Variants in DYNC2H1 observed in about 807,000 individuals in gnomAD.
DYNC2H1 encodes cytoplasmic dynein 2 heavy chain 1.
DYNC2H1 carries 410 observed loss-of-function variants against 570.0 expected under a neutral mutation model. That is an observed-to-expected ratio of 0.72 (90% CI 0.66 to 0.78). DYNC2H1 has a LOEUF of 0.78. DYNC2H1 is among the 30% of genes least tolerant of loss of function. The probability of loss-of-function intolerance (pLI) is 0.00; values close to 1 mark genes in which losing one functional copy is unlikely to be tolerated. For synonymous variants in DYNC2H1, 1,688 were observed against 1,677.6 expected (o/e 1.01, Z -0.15); for missense variants, 4,865 against 5,046.4 (o/e 0.96, Z 1.09).
intron 80 of DYNC2H1, among the ~76,000 whole-genome samples, chr11:103,320,231 C>T (rs945570583): frequency 6.6e-6 from 1 of 151,958 alleles, no homozygotes; most frequent in African/African-American, 2.4e-5. Context: ...TGGTGAAATC[C>T]CGTCTCTACT....
intron 70 of DYNC2H1, among the ~76,000 whole-genome samples, chr11:103,260,561 G>A (rs953378016): frequency 5.3e-5 from 8 of 151,974 alleles, no homozygotes; most frequent in South Asian, 2.1e-4. Flanking sequence ...AACACACATC[G>A]GACAATATTT....
chr11:103,184,430 T>C (rs1012069214), intron 40 of DYNC2H1, among the ~76,000 whole-genome samples: 1 of 151,956 alleles, frequency 6.6e-6, no homozygotes, highest in Non-Finnish European at 1.5e-5. Context: ...TACACAGCAC[T>C]GAAGTCCAGA....
chr11:103,184,634 G>A (rs1314827737), intron 40 of DYNC2H1, among the ~76,000 whole-genome samples: 1 of 151,742 alleles, frequency 6.6e-6, no homozygotes, highest in Non-Finnish European at 1.5e-5. Flanking sequence ...ATATTCTTCA[G>A]GTTTAGGAAG....
chr11:103,177,616 G>C lies in DYNC2H1; in HGVS notation c.5935G>C (p.Gly1979Arg). ...LCQRMGVVIV[G>R]PSGAGKSTLW... The stretch of plus-strand genomic sequence containing the variant: ...CCAGAGGATGGGAGTTGTTATTGTT[G>C]GTCCAAGTGGTGCTGGAAAATCAAC... Residue 1979 changes from glycine to arginine, a missense_variant, in exon 38 of 89, where the codon GGT becomes CGT. By Grantham distance (125) the Gly-to-Arg change is moderately radical. Around this residue, in one of 5 missense-constraint regions of DYNC2H1, gnomAD observed 231 missense variants for 310.3 expected, o/e 0.74. Coordinates refer to ENST00000375735, the MANE Select transcript of DYNC2H1 (RefSeq NM_001377.3). This position sits in a 1 kb window ranked among gnomAD's most constrained non-coding sequence, Gnocchi z 4.4. The C allele has an allele frequency of 6.2e-7, 1 of 1,613,118 alleles. No individual in the cohort carries two copies. Among genetic ancestry groups the C allele is most frequent in the Non-Finnish European group, 8.5e-7 (1 of 1,179,566 alleles).
In DYNC2H1 at chr11:103,152,363, A is replaced by G. The variant is rs189537726; in HGVS notation, c.3096+78A>G. ...TTTCTTGCTTATCTTTTATTCCTTT[A>G]TAGCCCAGGTTTATAATAATTTAAT... is the stretch of plus-strand genomic sequence containing the variant. On this transcript the variant is annotated intron_variant, in intron 21 of 88. Transcript: ENST00000375735. 9.7e-6 allele frequency: 13 copies of G among 1,346,328 alleles called. No individual in the cohort carries two copies. The East Asian group carries it at 1.2e-4, about 13-fold the overall frequency. The allele number at this position is 1,346,328 out of a possible 1,614,324, so 83.4% of individuals were successfully genotyped here. A position where few individuals can be genotyped will look rare whatever the true frequency, so the allele number is the denominator to read the frequency against.
At chr11:103,298,658 G>T (rs1175304435) in intron 75 of DYNC2H1, among the ~76,000 whole-genome samples, 1 of 152,038 alleles carries the variant, frequency 6.6e-6, no homozygotes, top group Non-Finnish European at 1.5e-5. Flanking sequence ...TGTAAAATTG[G>T]AGTTTTTATT....
chr11:103,414,152 A>G (rs1943193607), intron 84 of DYNC2H1, among the ~76,000 whole-genome samples: 1 of 152,216 alleles, frequency 6.6e-6, no homozygotes, highest in South Asian at 2.1e-4. Flanking sequence ...ACCTTTATCA[A>G]TTAATACAAA....
At position 103,187,504 on chromosome 11, in the gene DYNC2H1, G is replaced by A; in HGVS notation, c.7058G>A (p.Arg2353Lys). The change falls in exon 43 of 89, where the codon AGA becomes AAA. Residue 2353 changes from arginine (R) to lysine (K), a missense_variant. Coordinates refer to ENST00000375735, the MANE Select transcript of DYNC2H1 (RefSeq NM_001377.3). Reference sequence around the variant, plus strand: ...GTATACAGACCAAAAGACTGTGAAAGACTTGTTCTGTACTTAAAAGATATC... The same window carrying A: ...GTATACAGACCAAAAGACTGTGAAAAACTTGTTCTGTACTTAAAAGATATC... ...GRVYRPKDCE[R>K]LVLYLKDINL... 2 of 1,613,240 alleles carry A rather than the reference G, an allele frequency of 1.2e-6. No homozygotes were observed. Among genetic ancestry groups the A allele is most frequent in the East Asian group, 4.5e-5 (2 of 44,854 alleles).
intron 83 of DYNC2H1, among the ~76,000 whole-genome samples, chr11:103,376,472 T>C (rs142061050): frequency 6.6e-6 from 1 of 152,214 alleles, no homozygotes; most frequent in Non-Finnish European, 1.5e-5. Flanking sequence ...TGTGTATTTG[T>C]TGTAATTTCT....
At chr11:103,431,271 A>G (rs1027260296) in intron 84 of DYNC2H1, among the ~76,000 whole-genome samples, 1 of 151,760 alleles carries the variant, frequency 6.6e-6, no homozygotes, top group Non-Finnish European at 1.5e-5. Context: ...GTAAGCCTTA[A>G]TGTCTCCATG....
chr11:103,421,845 A>C (rs894456816), intron 84 of DYNC2H1, among the ~76,000 whole-genome samples: 3 of 152,130 alleles, frequency 2.0e-5, no homozygotes, highest in African/African-American at 7.2e-5. Flanking sequence ...GAAGACAAGA[A>C]ATTACCGAGA....
chr11:103,223,522 G>T (rs1439293358), intron 59 of DYNC2H1, among the ~76,000 whole-genome samples: 1 of 151,870 alleles, frequency 6.6e-6, no homozygotes, highest in African/African-American at 2.4e-5. Context: ...CGAGTAGCTG[G>T]GATTACAGGC....
intron 47 of DYNC2H1, 93 bp from the exon 48 acceptor site, chr11:103,197,840 T>C: frequency 2.2e-6 from 3 of 1,358,440 alleles, no homozygotes; most frequent in South Asian, 1.4e-5. Context: ...TTATTTGGAT[T>C]ATTAACTTAA....
intron 84 of DYNC2H1, among the ~76,000 whole-genome samples, chr11:103,428,395 A>G (rs566581261): frequency 6.6e-6 from 1 of 152,270 alleles, no homozygotes; most frequent in African/African-American, 2.4e-5. Context: ...AACAAAAACT[A>G]TCTAACATAC....
In DYNC2H1 at chr11:103,113,637, C is replaced by T. The variant is rs1384989430; in HGVS notation, c.296C>T (p.Ser99Phe). 1.3e-6 allele frequency: 2 copies of T among 1,576,440 alleles called. No individual in the cohort carries two copies. Among genetic ancestry groups the T allele is most frequent in the Non-Finnish European group, 1.7e-6 (2 of 1,166,460 alleles). Reference protein sequence around the residue: ...ENLHDNILVSSMLESPISSLY... With the variant: ...ENLHDNILVSFMLESPISSLY... The stretch of plus-strand genomic sequence containing the variant: ...CTACATGATAACATTCTTGTTTCAT[C>T]TATGTTAGAGTCACCTATTAGTTCT... The change falls in exon 2 of 89, where the codon TCT becomes TTT. Residue 99 changes from serine to phenylalanine, a missense_variant. Coordinates refer to ENST00000375735, the MANE Select transcript of DYNC2H1 (RefSeq NM_001377.3).
At chr11:103,215,081 T>G (rs1863327958) in intron 54 of DYNC2H1, among the ~76,000 whole-genome samples, 1 of 152,148 alleles carries the variant, frequency 6.6e-6, no homozygotes, top group African/African-American at 2.4e-5. Context: ...AGATATAAAA[T>G]CATGCCCAGC....
At chr11:103,421,631 T>G in intron 84 of DYNC2H1, among the ~76,000 whole-genome samples, 1 of 151,948 alleles carries the variant, frequency 6.6e-6, no homozygotes, top group Middle Eastern at 3.4e-3. Flanking sequence ...GAAATTAAGG[T>G]GGAAATCAAG....
In DYNC2H1 at chr11:103,125,242, C is replaced by A. The variant is rs1291966441; in HGVS notation, c.1804C>A (p.Gln602Lys). The change falls in exon 12 of 89, where the codon CAA becomes AAA. Residue 602 changes from glutamine (Q) to lysine (K), a missense_variant. Physicochemically the swap from Gln to Lys is moderately conservative, Grantham distance 53 (BLOSUM62 1). Transcript: ENST00000375735. ...CTTTGTTATTCCTGCCAAAATACAG[C>A]AAGTTGCAAACATTGCACAGAAATT... is the stretch of plus-strand genomic sequence containing the variant. ...LGFVIPAKIQQVANIAQKFCK... is the reference protein window; with the variant it reads ...LGFVIPAKIQKVANIAQKFCK... The A allele has an allele frequency of 3.1e-6, 5 of 1,612,368 alleles. No individual in the cohort carries two copies. The highest frequency in any genetic ancestry group is 4.2e-6 in the Non-Finnish European group (5 of 1,179,206).
rs892323272 is a variant in DYNC2H1, at chr11:103,264,884, G to T, written c.10695+4907G>T. Reference sequence around the variant, plus strand: ...TTCTGGCCAGGGCAAAGTGGCAAGAGAAAGAAATAAAGGGTATTCAGATAG... The same window carrying T: ...TTCTGGCCAGGGCAAAGTGGCAAGATAAAGAAATAAAGGGTATTCAGATAG... On this transcript the variant is annotated intron_variant, in intron 70 of 88. Coordinates refer to ENST00000375735, the MANE Select transcript of DYNC2H1 (RefSeq NM_001377.3). The surrounding 1 kb of genome is among the most constrained non-coding windows in gnomAD (Gnocchi z 4.8). 2.0e-5 allele frequency among the ~76,000 whole-genome samples: 3 copies of T among 152,152 alleles called. No individual in the cohort carries two copies. Among genetic ancestry groups the T allele is most frequent in the African/African-American group, 7.2e-5 (3 of 41,428 alleles).
Sources: allele counts gnomAD v4.1 joint callset (sites outside exome capture counted in the v4.1 genomes callset), GRCh38; gene constraint gnomAD v4.1.1; regional missense constraint gnomAD v4.1.1; non-coding constraint Gnocchi (gnomAD v3.1); transcripts MANE v1.5; gene names NCBI Gene and HGNC (gene_info 2026-07-23, HGNC 2026-07-21).